Variants in SERPINB12 observed in about 807,000 individuals in gnomAD.
The protein encoded by SERPINB12 is serpin family B member 12.
A neutral mutation model predicts 41.1 loss-of-function variants in SERPINB12; 57 were observed. The observed-to-expected ratio is 1.39, with a 90% CI of 1.12 to 1.73. The LOEUF (loss-of-function observed/expected upper bound fraction) is 1.73. SERPINB12 is among the 40% of genes most tolerant of loss of function. SERPINB12 has a pLI of 0.00. For missense variants in SERPINB12, 536 were observed against 501.9 expected (o/e 1.07, Z -0.65); for synonymous variants, 180 against 181.3 (o/e 0.99, Z 0.06).
chr18:63,568,855 CATT>C lies in SERPINB12; in HGVS notation c.*1845_*1847del, dbSNP rs1173132749. On this transcript the variant is annotated 3_prime_UTR_variant, in exon 8 of 8. Transcript: ENST00000382768. Reference sequence around the variant, plus strand: ...TTCCATGTTCTCCATACAACCTTCTCATTGTTGAAGCTCACTTACGACCTAAAA... The same window carrying C: ...TTCCATGTTCTCCATACAACCTTCTCGTTGAAGCTCACTTACGACCTAAAA... 1.3e-5 allele frequency among the ~76,000 whole-genome samples: 2 copies of C among 152,236 alleles called. No individual in the cohort carries two copies. The highest frequency in any genetic ancestry group is 4.8e-5 in the African/African-American group (2 of 41,454).
intron 2 of SERPINB12, among the ~76,000 whole-genome samples, chr18:63,557,597 A>G (rs1320835975): frequency 6.6e-6 from 1 of 152,156 alleles, no homozygotes; most frequent in African/African-American, 2.4e-5. Flanking sequence ...GATTTGGTGT[A>G]TTATTTTCTT....
chr18:63,565,540 C>T lies in SERPINB12; in HGVS notation c.801C>T (p.Tyr267=). The part of the protein sequence containing the change: ...EVKAQILEMR[Y]TKGKLSMFVL... Reference sequence around the variant, plus strand: ...AGGCACAGATCCTGGAAATGAGGTACACCAAGGGGAAGCTCAGCATGTTCG... The same window carrying T: ...AGGCACAGATCCTGGAAATGAGGTATACCAAGGGGAAGCTCAGCATGTTCG... Residue 267 remains tyrosine, a synonymous_variant, in exon 7 of 8, where the codon TAC becomes TAT. Transcript: ENST00000382768. The T allele has an allele frequency of 6.2e-7, 1 of 1,614,160 alleles. No individual in the cohort carries two copies. The highest frequency in any genetic ancestry group is 1.1e-5 in the South Asian group (1 of 91,070).
At position 63,568,729 on chromosome 18, in the gene SERPINB12, G is replaced by GT. The variant is rs1030315361; in HGVS notation, c.*1725dup. 2.0e-5 allele frequency among the ~76,000 whole-genome samples: 3 copies of GT among 152,188 alleles called. No homozygotes were observed. The highest frequency in any genetic ancestry group is 4.4e-5 in the Non-Finnish European group (3 of 67,974). ...ACCAGTCGTTCAGTGTGGCCACGCA[G>GT]TTTTTTTGCAGAAGGCAGGTGAACC... On this transcript the variant is annotated 3_prime_UTR_variant, in exon 8 of 8. Coordinates refer to ENST00000382768, the MANE Select transcript of SERPINB12 (RefSeq NM_001307928.2).
Position 63,556,284 on chromosome 18 carries a change from T to G in SERPINB12, c.125T>G (p.Val42Gly), listed in dbSNP as rs1308749076. ...AGCCTCTCAGCTGCCCTTGGTATGGTACGCTTGGGTGCTAGAAGTGACAGT... is the reference window on the plus strand; with the variant it reads ...AGCCTCTCAGCTGCCCTTGGTATGGGACGCTTGGGTGCTAGAAGTGACAGT... ...PLSLSAALGM[V>G]RLGARSDSAH... The change falls in exon 2 of 8, where the codon GTA becomes GGA. Residue 42 changes from valine to glycine, a missense_variant. By Grantham distance (109) the Val-to-Gly change is moderately radical. Coordinates refer to ENST00000382768, the MANE Select transcript of SERPINB12 (RefSeq NM_001307928.2). 6.2e-7 allele frequency: 1 copy of G among 1,614,102 alleles called. No homozygotes were observed. The highest frequency in any genetic ancestry group is 1.6e-4 in the Middle Eastern group (1 of 6,062).
At chr18:63,542,054 A>T (rs555610226), upstream of SERPINB12, among the ~76,000 whole-genome samples, 7 of 152,164 alleles carry the variant, frequency 4.6e-5, no homozygotes, top group African/African-American at 1.7e-4. Flanking sequence ...TCTGTTATAA[A>T]TTATGAACTC....
intron 3 of SERPINB12, 145 bp downstream of exon 3, chr18:63,558,631 C>CAGGAATCA: frequency 2.2e-6 from 2 of 923,500 alleles, no homozygotes; most frequent in Non-Finnish European, 3.2e-6. Flanking sequence ...ATCTGTGATT[C>CAGGAATCA]CTGAGTATGG....
the SERPINB12 span, among the ~76,000 whole-genome samples, chr18:63,530,633 C>T: frequency 2.0e-5 from 3 of 152,100 alleles, no homozygotes; most frequent in African/African-American, 4.8e-5. Context: ...CCTCAATGCC[C>T]GATGTCAAGT....
At chr18:63,538,713 T>A (rs1034816644), upstream of SERPINB12, among the ~76,000 whole-genome samples, 8 of 152,192 alleles carry the variant, frequency 5.3e-5, no homozygotes, top group African/African-American at 1.9e-4. Flanking sequence ...TACCTATGAG[T>A]GGAATTGCTG....
At chr18:63,519,171 G>T in the SERPINB12 span, among the ~76,000 whole-genome samples, 2 of 152,274 alleles carry the variant, frequency 1.3e-5, no homozygotes, top group Non-Finnish European at 2.9e-5. Flanking sequence ...ACCCGTATGA[G>T]CATCCGTCCA....
intron 1 of SERPINB12, among the ~76,000 whole-genome samples, chr18:63,551,972 C>T (rs1223026596): frequency 6.6e-6 from 1 of 152,190 alleles, no homozygotes; most frequent in Non-Finnish European, 1.5e-5. Context: ...AGGCTTTAAT[C>T]AGATGACGTC....
At chr18:63,535,167 C>G in the SERPINB12 span, among the ~76,000 whole-genome samples, 5 of 151,994 alleles carry the variant, frequency 3.3e-5, no homozygotes, top group African/African-American at 1.2e-4. Context: ...TTGATTCAAG[C>G]AAAAATCATT....
At chr18:63,553,172 A>C (rs1910577123) in intron 1 of SERPINB12, among the ~76,000 whole-genome samples, 1 of 152,222 alleles carries the variant, frequency 6.6e-6, no homozygotes. Flanking sequence ...TTGATGCAGA[A>C]ACAGGCAGAG....
chr18:63,544,271 T>C (rs1456472230), intron 1 of SERPINB12, among the ~76,000 whole-genome samples: 1 of 152,206 alleles, frequency 6.6e-6, no homozygotes, highest in Non-Finnish European at 1.5e-5. Context: ...CTGTAGTTTG[T>C]AAGCCATGAT....
At chr18:63,552,675 C>T (rs969537076) in intron 1 of SERPINB12, among the ~76,000 whole-genome samples, 6 of 152,092 alleles carry the variant, frequency 3.9e-5, no homozygotes, top group African/African-American at 1.4e-4. Flanking sequence ...ATAGATTTCT[C>T]AAAGGCAGAG....
At chr18:63,549,822 C>T (rs74528146) in intron 1 of SERPINB12, among the ~76,000 whole-genome samples, 5,422 of 152,226 alleles carry the variant, frequency 0.036, 337 homozygotes, top group African/African-American at 0.12. Context: ...CTGCATCCCA[C>T]AGAGCCACAT....
At chr18:63,519,489 C>T in the SERPINB12 span, among the ~76,000 whole-genome samples, 10 of 152,288 alleles carry the variant, frequency 6.6e-5, no homozygotes, top group East Asian at 1.9e-4. Context: ...CTTGAACTTT[C>T]GCTAATTGTT....
chr18:63,546,613 A>G (rs567778397), intron 1 of SERPINB12, among the ~76,000 whole-genome samples: 1 of 152,302 alleles, frequency 6.6e-6, no homozygotes, highest in Non-Finnish European at 1.5e-5. Context: ...AGTAAAATAC[A>G]TTTCTGCTTC....
At chr18:63,559,015 T>TTTC (rs1400673541) in intron 3 of SERPINB12, among the ~76,000 whole-genome samples, 1 of 59,894 alleles carries the variant, frequency 1.7e-5, no homozygotes, top group African/African-American at 4.7e-5. Context: ...TCTTTCTTTC[T>TTTC]TTCTTTCTTT....
the SERPINB12 span, among the ~76,000 whole-genome samples, chr18:63,531,328 A>G: frequency 6.6e-6 from 1 of 152,224 alleles, no homozygotes; most frequent in Non-Finnish European, 1.5e-5. Context: ...ACAGGGAAGT[A>G]CAAGAAACGT....
Sources: allele counts gnomAD v4.1 joint callset (sites outside exome capture counted in the v4.1 genomes callset), GRCh38; gene constraint gnomAD v4.1.1; transcripts MANE v1.5; gene names NCBI Gene and HGNC (gene_info 2026-07-23, HGNC 2026-07-21).